N4BP2L2: variants seen among roughly 807,000 people sequenced by gnomAD.
The protein encoded by N4BP2L2 is NEDD4-binding protein 2-like 2.
Under a neutral mutation model 56.2 loss-of-function variants are expected in N4BP2L2, and 50 were observed. The observed-to-expected ratio is 0.89, with a 90% CI of 0.71 to 1.13. The LOEUF (loss-of-function observed/expected upper bound fraction) is 1.13, where lower values mean the gene tolerates loss of function less well. Among genes scored for constraint, N4BP2L2 ranks in the 50% most tolerant of loss-of-function variants. N4BP2L2 has a pLI of 0.00. For synonymous variants in N4BP2L2, 203 were observed against 223.6 expected, an observed-to-expected ratio of 0.91 and a Z score of 0.82; for missense variants, 689 against 693.8, an observed-to-expected ratio of 0.99 and a Z score of 0.08.
At chr13:32,530,933 T>A (rs1164917547) in intron 2 of N4BP2L2, among the ~76,000 whole-genome samples, 1 of 151,496 alleles carries the variant, frequency 6.6e-6, no homozygotes, top group Non-Finnish European at 1.5e-5. Flanking sequence ...GACTTGAGCT[T>A]GCATGCTTTC....
chr13:32,450,460 G>A (rs1260955953), intron 6 of N4BP2L2, among the ~76,000 whole-genome samples: 1 of 151,818 alleles, frequency 6.6e-6, no homozygotes, highest in Non-Finnish European at 1.5e-5. Flanking sequence ...AAGTAGCTGG[G>A]ACTACAGGCG....
At chr13:32,443,404 C>A (rs773354308) in exon 7 of N4BP2L2, 1 of 1,614,006 alleles carries the variant, frequency 6.2e-7, no homozygotes, top group Admixed American at 1.7e-5. Flanking sequence ...TCTGTCAGAG[C>A]CCAGCTGTAA....
At chr13:32,502,612 A>C (rs979121154) in intron 6 of N4BP2L2, among the ~76,000 whole-genome samples, 1 of 152,212 alleles carries the variant, frequency 6.6e-6, no homozygotes, top group East Asian at 1.9e-4. Context: ...TATGAGGAAA[A>C]GTTTCAGAAA....
At chr13:32,444,258 TTTTC>T (rs2076705233) in intron 6 of N4BP2L2, 3 of 614,094 alleles carry the variant, frequency 4.9e-6, no homozygotes, top group East Asian at 6.5e-5. Flanking sequence ...TGCACGTACT[TTTTC>T]TTTGTTTGTT....
intron 6 of N4BP2L2, among the ~76,000 whole-genome samples, chr13:32,496,551 T>C (rs1484702965): frequency 6.6e-6 from 1 of 152,184 alleles, no homozygotes; most frequent in East Asian, 1.9e-4. Flanking sequence ...CCCACTGCGA[T>C]GTTGTCAGGT....
chr13:32,441,932 C>T (rs1216894988), intron 7 of N4BP2L2, among the ~76,000 whole-genome samples: 6 of 144,914 alleles, frequency 4.1e-5, no homozygotes, highest in Admixed American at 1.4e-4. Context: ...AATAAATAGC[C>T]GGGCGTGGTG....
In N4BP2L2 at chr13:32,527,415, C is replaced by T. The variant is rs966377571; in HGVS notation, c.1377G>A (p.Gln459=). ...ACTTAGCCCAAAACAAACCTCTGTT[C>T]TGGTTCCAGTCATGGGCATCACCAA... Residue 459 remains glutamine, a synonymous_variant, in exon 3 of 6, where the codon CAG becomes CAA. Coordinates refer to ENST00000267068, the Ensembl canonical transcript of N4BP2L2. 3.7e-6 allele frequency: 6 copies of T among 1,613,748 alleles called. No homozygotes were observed. In the African/African-American group the frequency reaches 8.0e-5, roughly 22 times the overall value.
rs192143048 is a variant in N4BP2L2 at position 32,441,552 on chromosome 13, C to T, written c.2104+836G>A. Among the ~76,000 whole-genome samples the T allele has an allele frequency of 5.9e-5, 9 of 151,410 alleles. No individual in the cohort carries two copies. In the East Asian group the frequency reaches 7.9e-4, roughly 13 times the overall value. On this transcript the variant is annotated intron_variant, in intron 7 of 9. Transcript: ENST00000357505. ...TACAAAAATTAGCTGGGTATGGTGG[C>T]GGATGCCTGTAATCCCAGCTACTCA...
intron 6 of N4BP2L2, among the ~76,000 whole-genome samples, chr13:32,503,213 T>C (rs1227638022): frequency 6.7e-6 from 1 of 149,218 alleles, no homozygotes; most frequent in Non-Finnish European, 1.5e-5. Context: ...TTGCACTAAT[T>C]ACTGCCTCAA....
intron 6 of N4BP2L2, among the ~76,000 whole-genome samples, chr13:32,461,439 A>C (rs2080054039): frequency 6.6e-6 from 1 of 152,188 alleles, no homozygotes; most frequent in Non-Finnish European, 1.5e-5. Context: ...CAAAGAAAAA[A>C]CAACAATCTC....
downstream of N4BP2L2, chr13:32,505,651 C>G (rs1044822408): frequency 1.3e-5 from 2 of 152,222 alleles, no homozygotes; most frequent in Non-Finnish European, 2.9e-5. Context: ...CCACAAAACA[C>G]AATTTGGCTA....
chr13:32,445,178 G>C (rs1199901790), intron 6 of N4BP2L2, among the ~76,000 whole-genome samples: 1 of 152,154 alleles, frequency 6.6e-6, no homozygotes, highest in Non-Finnish European at 1.5e-5. Flanking sequence ...TTGAACCCGG[G>C]AGGCACAGGA....
chr13:32,476,190 C>T (rs1175179203), intron 6 of N4BP2L2, among the ~76,000 whole-genome samples: 4 of 152,130 alleles, frequency 2.6e-5, no homozygotes, highest in African/African-American at 7.2e-5. Flanking sequence ...TGACCTCAGC[C>T]GCCTTTGAAA....
intron 6 of N4BP2L2, among the ~76,000 whole-genome samples, chr13:32,503,172 C>CAAAAAAA (rs35773755): frequency 4.0e-4 from 23 of 57,980 alleles, no homozygotes; most frequent in African/African-American, 1.2e-3. Flanking sequence ...GACTCTGTAG[C>CAAAAAAA]AAAAAAAAAA....
chr13:32,473,281 CAA>C (rs575588006), intron 6 of N4BP2L2, among the ~76,000 whole-genome samples: 2 of 86,608 alleles, frequency 2.3e-5, no homozygotes, highest in Non-Finnish European at 2.4e-5. Context: ...GACTCCGTCT[CAA>C]AAAAAAAAAA....
chr13:32,478,277 T>C (rs1384973343), intron 6 of N4BP2L2: 2 of 279,646 alleles, frequency 7.2e-6, no homozygotes, highest in Non-Finnish European at 1.4e-5. Flanking sequence ...CCTAGAGTCC[T>C]GTGAATTTAA....
rs567851558 is a variant in N4BP2L2 at position 32,479,446 on chromosome 13, T to C, written c.366-35320A>G. On this transcript the variant is annotated intron_variant, in intron 6 of 9. Transcript: ENST00000357505. ...CCACACCCAGCTAATCTTGTTTTTT[T>C]TTGTTTTTGTATTTTTAGTAGAGAT... Among the ~76,000 whole-genome samples, 132 of 151,766 alleles carry C rather than the reference T, an allele frequency of 8.7e-4. 1 individual carries two copies. The highest frequency in any genetic ancestry group is 1.6e-3 in the Non-Finnish European group (110 of 67,904).
intron 6 of N4BP2L2, among the ~76,000 whole-genome samples, chr13:32,496,685 C>CT (rs375494773): frequency 3.4e-4 from 51 of 152,198 alleles, no homozygotes; most frequent in African/African-American, 1.2e-3. Flanking sequence ...TGGCCACATT[C>CT]TTTTTTTAAA....
chr13:32,474,277 CCATTA>C (rs1354510974), intron 6 of N4BP2L2, among the ~76,000 whole-genome samples: 4 of 151,702 alleles, frequency 2.6e-5, no homozygotes, highest in South Asian at 4.2e-4. Flanking sequence ...TTTATTATTA[CCATTA>C]TATTATATAT....
Sources: gnomAD v4.1 joint callset for allele counts (sites outside exome capture counted in the v4.1 genomes callset) on GRCh38, gnomAD v4.1.1 for gene constraint, MANE v1.5 for transcripts, NCBI Gene and HGNC (gene_info 2026-07-23, HGNC 2026-07-21) for gene names.